RWDD1: variants seen among roughly 807,000 people sequenced by gnomAD.
RWDD1 encodes the protein RWD domain-containing protein 1.
In RWDD1, 17 loss-of-function variants were observed where a neutral mutation model predicts 31.6. That is an observed-to-expected ratio of 0.54 (90% CI 0.37 to 0.81). The LOEUF is 0.81. Ranked by LOEUF, RWDD1 falls within the 30% of genes least tolerant of loss-of-function variation. RWDD1 has a pLI of 0.00. For synonymous variants in RWDD1, 78 were observed against 94.2 expected, an observed-to-expected ratio of 0.83 and a Z score of 0.99; for missense variants, 204 against 274.5, an observed-to-expected ratio of 0.74 and a Z score of 1.82.
rs1387871225 is a variant in RWDD1, at chr6:116,595,579, C to G, written c.*2478C>G. On this transcript the variant is annotated 3_prime_UTR_variant, in exon 7 of 7. Coordinates refer to ENST00000466444, the MANE Select transcript of RWDD1 (RefSeq NM_015952.4). ...TAAAGTTTTTGTTTTTCTACTCGTG[C>G]CAGTTGTATTAAAATGTCACTAGGT... 6.6e-6 allele frequency: 1 copy of G among 152,072 alleles called. No individual in the cohort carries two copies. The highest frequency in any genetic ancestry group is 1.5e-5 in the Non-Finnish European group (1 of 68,002). 9.4% of individuals were successfully genotyped at this position (152,072 alleles called of 1,614,324 possible).
intron 1 of RWDD1, among the ~76,000 whole-genome samples, chr6:116,577,242 A>G (rs892750137): frequency 4.6e-5 from 7 of 152,200 alleles, no homozygotes; most frequent in African/African-American, 1.7e-4. Context: ...ATGGGGTAGA[A>G]TGAGGAGAAT....
chr6:116,572,251 G>A (rs895541155), intron 1 of RWDD1, among the ~76,000 whole-genome samples: 1 of 152,128 alleles, frequency 6.6e-6, no homozygotes, highest in South Asian at 2.1e-4. Flanking sequence ...TAGGTTGTTA[G>A]ATTGGAAGGG....
At chr6:116,578,162 T>C (rs563729721) in intron 1 of RWDD1, among the ~76,000 whole-genome samples, 48 of 152,358 alleles carry the variant, frequency 3.2e-4, no homozygotes, top group African/African-American at 1.1e-3. Context: ...AAGCTCTCTA[T>C]CTCAGTTTCC....
chr6:116,576,975 C>T (rs908481943), intron 1 of RWDD1, among the ~76,000 whole-genome samples: 7 of 152,202 alleles, frequency 4.6e-5, no homozygotes, highest in African/African-American at 1.7e-4. Context: ...GTTCATTGCC[C>T]ACTTTATTCC....
Position 116,590,968 on chromosome 6 carries a change from T to A in RWDD1, c.610+18T>A. On this transcript the variant is annotated intron_variant, in intron 6 of 6. Transcript: ENST00000466444. ...GGAGGATGGTAAGATAATAGTAGAA[T>A]TCCACATGTGGGACAGGCACAGTAG... 1 of 1,563,988 alleles carries A rather than the reference T, an allele frequency of 6.4e-7. No homozygotes were observed.
intron 6 of RWDD1, among the ~76,000 whole-genome samples, chr6:116,591,179 T>C (rs1775138419): frequency 6.6e-6 from 1 of 152,200 alleles, no homozygotes; most frequent in African/African-American, 2.4e-5. Flanking sequence ...GAACTTTATT[T>C]ATTGTACATT....
chr6:116,592,164 A>G (rs1180579319), intron 6 of RWDD1, among the ~76,000 whole-genome samples: 1 of 152,090 alleles, frequency 6.6e-6, no homozygotes, highest in African/African-American at 2.4e-5. Context: ...GACCTACACA[A>G]TCTTTCTCAA....
chr6:116,589,110 T>G, intron 4 of RWDD1, 125 bp downstream of exon 4: 1 of 821,528 alleles, frequency 1.2e-6, no homozygotes, highest in Non-Finnish European at 1.6e-6. Flanking sequence ...AAAAGTAAAT[T>G]TTAGTAAAGT....
chr6:116,591,610 T>C (rs1052838257), intron 6 of RWDD1, among the ~76,000 whole-genome samples: 1 of 152,252 alleles, frequency 6.6e-6, no homozygotes, highest in Non-Finnish European at 1.5e-5. Flanking sequence ...TTCAGAAATA[T>C]TGATTGCACT....
rs149915293 is a variant in RWDD1, at chr6:116,579,837, A to G, written c.74-458A>G. On this transcript the variant is annotated intron_variant, in intron 1 of 6. Transcript: ENST00000466444. ...ACAGCAAGAAGACATAAACTTTAACAAATCGGTATTTACTGTTTGTCATGG... is the reference window on the plus strand; with the variant it reads ...ACAGCAAGAAGACATAAACTTTAACGAATCGGTATTTACTGTTTGTCATGG... Among the ~76,000 whole-genome samples the G allele has an allele frequency of 2.6e-5, 4 of 152,326 alleles. No individual in the cohort carries two copies. The East Asian group carries it at 7.7e-4, about 29-fold the overall frequency.
At chr6:116,582,002 TTTTATA>T (rs1774955411) in intron 2 of RWDD1, among the ~76,000 whole-genome samples, 1 of 152,016 alleles carries the variant, frequency 6.6e-6, no homozygotes, top group Admixed American at 6.6e-5. Context: ...ATTTTTGAGA[TTTTATA>T]TTTATATATG....
rs536074311 is a variant in RWDD1, at chr6:116,580,370, A to T, written c.139+10A>T. The T allele has an allele frequency of 6.3e-7, 1 of 1,578,610 alleles. No individual in the cohort carries two copies. Among genetic ancestry groups the T allele is most frequent in the South Asian group, 1.1e-5 (1 of 86,982 alleles). On this transcript the variant is annotated intron_variant, in intron 2 of 6. Transcript: ENST00000466444. ...GGAGAAAATGATGAAAGTAAGTCTT[A>T]TAAAAAATACTTGTGGTTTTTCTAA...
chr6:116,592,166 CTT>C (rs763086499), intron 6 of RWDD1, among the ~76,000 whole-genome samples: 6 of 152,206 alleles, frequency 3.9e-5, no homozygotes, highest in Non-Finnish European at 8.8e-5. Flanking sequence ...CCTACACAAT[CTT>C]TCTCAAATCT....
In RWDD1 at chr6:116,597,241, G is replaced by A. The variant is rs1166683914; in HGVS notation, c.*4140G>A. The A allele has an allele frequency of 6.6e-6, 1 of 152,062 alleles. No homozygotes were observed. Among genetic ancestry groups the A allele is most frequent in the Non-Finnish European group, 1.5e-5 (1 of 67,994 alleles). The allele number at this position is 152,062 out of a possible 1,614,324, so 9.4% of individuals were successfully genotyped here. A position where few individuals can be genotyped will look rare whatever the true frequency, so the allele number is the denominator to read the frequency against. On this transcript the variant is annotated 3_prime_UTR_variant, in exon 7 of 7. Transcript: ENST00000466444. ...TAAAAAAGAGAGAGAAAGAGAGAGA[G>A]AAGAGGTTCTACTCAGTCCACCAAA...
intron 2 of RWDD1, among the ~76,000 whole-genome samples, chr6:116,583,781 A>G (rs1380702292): frequency 6.6e-6 from 1 of 152,238 alleles, no homozygotes; most frequent in African/African-American, 2.4e-5. Flanking sequence ...GCCAGAAGAT[A>G]CTGTTTCTTA....
intron 1 of RWDD1, among the ~76,000 whole-genome samples, chr6:116,572,233 T>TA (rs949250245): frequency 2.0e-5 from 3 of 152,040 alleles, no homozygotes; most frequent in Non-Finnish European, 4.4e-5. Context: ...CGTTCTGCTA[T>TA]AAATTCATAG....
At chr6:116,583,331 C>T (rs982228212) in intron 2 of RWDD1, among the ~76,000 whole-genome samples, 2 of 152,068 alleles carry the variant, frequency 1.3e-5, no homozygotes. Context: ...TAAGTTTCTT[C>T]TTTAATGCAT....
chr6:116,586,903 A>G (rs1775050730), intron 3 of RWDD1, among the ~76,000 whole-genome samples: 1 of 152,180 alleles, frequency 6.6e-6, no homozygotes, highest in African/African-American at 2.4e-5. Context: ...CACATTTGCT[A>G]ATACCAGATA....
intron 1 of RWDD1, among the ~76,000 whole-genome samples, chr6:116,578,133 C>A (rs972055144): frequency 4.6e-5 from 7 of 152,270 alleles, no homozygotes; most frequent in Non-Finnish European, 1.0e-4. Context: ...TACCTGATAA[C>A]CTTGGACAAA....
Sources: gnomAD v4.1 joint callset for allele counts (sites outside exome capture counted in the v4.1 genomes callset) on GRCh38, gnomAD v4.1.1 for gene constraint, MANE v1.5 for transcripts, NCBI Gene and HGNC (gene_info 2026-07-23, HGNC 2026-07-21) for gene names.